The following PCDHA11 variants were observed in gnomAD, a reference collection of about 807,000 sequenced individuals.
PCDHA11 encodes protocadherin alpha-11.
A neutral mutation model predicts 70.3 loss-of-function variants in PCDHA11; 61 were observed. The ratio of observed to expected loss-of-function variants is 0.87; its 90% CI spans 0.71 to 1.07. The LOEUF (loss-of-function observed/expected upper bound fraction) is 1.07. Ranked by LOEUF, PCDHA11 falls within the 50% of genes least tolerant of loss-of-function variation. The pLI is 0.00. For synonymous variants in PCDHA11, 633 were observed against 555.1 expected (o/e 1.14, Z -1.97); for missense variants, 1,324 against 1,237.5 (o/e 1.07, Z -1.05).
rs2086150778 is a variant in PCDHA11, at chr5:140,929,428, G to C, written c.2392-49521G>C. ...AGCCTTTCACAACATTTCATCAATT[G>C]AACTAAACACTCCTTCTTAGCACTT... On this transcript the variant is annotated intron_variant, in intron 1 of 3. Coordinates refer to ENST00000398640, the MANE Select transcript of PCDHA11 (RefSeq NM_018902.5). 4 of 1,491,484 alleles carry C rather than the reference G, an allele frequency of 2.7e-6. No homozygotes were observed. The East Asian group carries it at 6.9e-5, about 26-fold the overall frequency. 92.4% of individuals were successfully genotyped at this position (1,491,484 alleles called of 1,614,324 possible). A position where few individuals can be genotyped will look rare whatever the true frequency, so the allele number is the denominator to read the frequency against.
rs550915753 is a variant in PCDHA11, at chr5:140,870,868, G to A, written c.1765G>A (p.Val589Met). 1.2e-6 allele frequency: 2 copies of A among 1,613,944 alleles called. No individual in the cohort carries two copies. The highest frequency in any genetic ancestry group is 1.7e-6 in the Non-Finnish European group (2 of 1,179,906). Residue 589 changes from valine (V) to methionine (M), a missense_variant, in exon 1 of 4, where the codon GTG becomes ATG. Val to Met is a conservative substitution (Grantham distance 21, BLOSUM62 1). Transcript: ENST00000398640. Reference sequence around the variant, plus strand: ...ACCGCGGTCGGTGGGTGCGGGCCACGTGGTGGCGAAGGTGCGCGCAGTGGA... The same window carrying A: ...ACCGCGGTCGGTGGGTGCGGGCCACATGGTGGCGAAGGTGCGCGCAGTGGA... Reference protein sequence around the residue: ...LVPRSVGAGHVVAKVRAVDAD... With the variant: ...LVPRSVGAGHMVAKVRAVDAD...
intron 1 of PCDHA11, among the ~76,000 whole-genome samples, chr5:140,950,272 CT>C (rs373882606): frequency 7.9e-5 from 12 of 151,950 alleles, no homozygotes; most frequent in African/African-American, 2.9e-4. Flanking sequence ...TCCATAATGT[CT>C]TTTTGCTTCA....
intron 3 of PCDHA11, among the ~76,000 whole-genome samples, chr5:140,992,118 G>C (rs1554252679): frequency 1.3e-5 from 2 of 151,650 alleles, no homozygotes; most frequent in Non-Finnish European, 2.9e-5. Flanking sequence ...ATGTGTCATG[G>C]AAGAACAGTG....
intron 3 of PCDHA11, among the ~76,000 whole-genome samples, chr5:140,985,991 A>G (rs575854221): frequency 2.7e-4 from 41 of 152,022 alleles, no homozygotes; most frequent in African/African-American, 9.2e-4. Context: ...CGCCCACCTC[A>G]GCCTCCCAAA....
chr5:140,935,045 G>T (rs1382389528), intron 1 of PCDHA11, among the ~76,000 whole-genome samples: 1 of 151,952 alleles, frequency 6.6e-6, no homozygotes, highest in Non-Finnish European at 1.5e-5. Flanking sequence ...TTGATTTCTG[G>T]TATTACAAGA....
chr5:140,916,211 G>C (rs1373329073), intron 1 of PCDHA11, among the ~76,000 whole-genome samples: 4 of 152,182 alleles, frequency 2.6e-5, no homozygotes, highest in Non-Finnish European at 5.9e-5. Flanking sequence ...CCCTGGGGAA[G>C]ATCCAAATAT....
rs372235129 is a variant in PCDHA11 at position 140,927,231 on chromosome 5, C to T, written c.2392-51718C>T. On this transcript the variant is annotated intron_variant, in intron 1 of 3. Transcript: ENST00000398640. ...TGGAGCTGCACAAGATTCGGATTCA[C>T]GTCCTGGACACCAATGACAACTCAC... 3.7e-6 allele frequency: 6 copies of T among 1,614,020 alleles called. No individual in the cohort carries two copies. In the African/African-American group the frequency reaches 4.0e-5, roughly 11 times the overall value.
intron 2 of PCDHA11, among the ~76,000 whole-genome samples, chr5:140,981,054 G>T (rs1024298698): frequency 1.3e-5 from 2 of 152,182 alleles, no homozygotes; most frequent in Admixed American, 1.3e-4. Flanking sequence ...GATAATTCTA[G>T]AGTGTAGACA....
chr5:140,966,816 G>A lies in PCDHA11; in HGVS notation c.2392-12133G>A, dbSNP rs1448171487. On this transcript the variant is annotated intron_variant, in intron 1 of 3. Transcript: ENST00000398640. ...GCGGCGACAGAGCATCCACGGCTCC[G>A]GCGGCCCATGCCCTGGCTGCTGCTA... 5.2e-6 allele frequency: 8 copies of A among 1,553,302 alleles called. No homozygotes were observed. The East Asian group carries it at 7.2e-5, about 14-fold the overall frequency.
chr5:140,869,555 G>A lies in PCDHA11; in HGVS notation c.452G>A (p.Arg151His). The change falls in exon 1 of 4, where the codon CGT becomes CAT. Residue 151 changes from arginine to histidine, a missense_variant. Arg to His is a conservative substitution (Grantham distance 29, BLOSUM62 0). Coordinates refer to ENST00000398640, the MANE Select transcript of PCDHA11 (RefSeq NM_018902.5). Reference sequence around the variant, plus strand: ...GCGGAATCTAAGCAATCGGACTCGCGTTTTCCACTAGAGGGAGCTTCTGAT... The same window carrying A: ...GCGGAATCTAAGCAATCGGACTCGCATTTTCCACTAGAGGGAGCTTCTGAT... ...LIAESKQSDS[R>H]FPLEGASDAD... is the part of the protein sequence containing the mutation. The A allele has an allele frequency of 6.2e-7, 1 of 1,614,172 alleles. No individual in the cohort carries two copies. The highest frequency in any genetic ancestry group is 8.5e-7 in the Non-Finnish European group (1 of 1,180,048).
intron 1 of PCDHA11, chr5:140,928,773 T>A: frequency 6.2e-7 from 1 of 1,614,164 alleles, no homozygotes; most frequent in Non-Finnish European, 8.5e-7. Context: ...TTCTTCCCAC[T>A]GATGCAGTTA....
chr5:140,932,021 GT>G (rs1387709791), intron 1 of PCDHA11, among the ~76,000 whole-genome samples: 11 of 151,964 alleles, frequency 7.2e-5, no homozygotes, highest in African/African-American at 2.6e-4. Flanking sequence ...TTTACGGTAA[GT>G]TTACAGTATA....
chr5:140,870,239 G>C lies in PCDHA11; in HGVS notation c.1136G>C (p.Gly379Ala), dbSNP rs781847723. 6 of 1,614,134 alleles carry C rather than the reference G, an allele frequency of 3.7e-6. No homozygotes were observed. Among genetic ancestry groups the C allele is most frequent in the Non-Finnish European group, 4.2e-6 (5 of 1,180,038 alleles). Reference sequence around the variant, plus strand: ...ATCAGCGTGTCTGACCGTGACTCAGGTGTCAACGGACAGGTGACCTGCTCG... The same window carrying C: ...ATCAGCGTGTCTGACCGTGACTCAGCTGTCAACGGACAGGTGACCTGCTCG... Reference protein sequence around the residue: ...ALISVSDRDSGVNGQVTCSLT... With the variant: ...ALISVSDRDSAVNGQVTCSLT... Residue 379 changes from glycine to alanine, a missense_variant, in exon 1 of 4, where the codon GGT (glycine) becomes GCT (alanine). Coordinates refer to ENST00000398640, the MANE Select transcript of PCDHA11 (RefSeq NM_018902.5).
At chr5:140,969,775 G>A (rs879968185) in intron 1 of PCDHA11, among the ~76,000 whole-genome samples, 9 of 152,174 alleles carry the variant, frequency 5.9e-5, no homozygotes, top group Admixed American at 5.9e-4. Flanking sequence ...GCCTCTAGGG[G>A]CTATCATAGT....
intron 1 of PCDHA11, among the ~76,000 whole-genome samples, chr5:140,945,375 C>T (rs1414758644): frequency 1.3e-4 from 20 of 152,006 alleles, no homozygotes; most frequent in African/African-American, 3.9e-4. Context: ...GTCCATATTA[C>T]CCAAAGCAAT....
At chr5:140,969,584 G>C in intron 1 of PCDHA11, 1 of 907,936 alleles carries the variant, frequency 1.1e-6, no homozygotes, top group Non-Finnish European at 1.6e-6. Context: ...GTGAGGATTA[G>C]TCTTAATATT....
At chr5:140,941,698 T>C (rs2093148440) in intron 1 of PCDHA11, among the ~76,000 whole-genome samples, 1 of 152,186 alleles carries the variant, frequency 6.6e-6, no homozygotes, top group African/African-American at 2.4e-5. Flanking sequence ...TCTTTGGGCT[T>C]AGCTTTCCTC....
intron 1 of PCDHA11, among the ~76,000 whole-genome samples, chr5:140,973,706 G>A (rs143845626): frequency 4.6e-5 from 7 of 152,274 alleles, no homozygotes; most frequent in South Asian, 4.1e-4. Context: ...TCTGACCCAG[G>A]AGTGAGCCAT....
chr5:140,886,961 C>T (rs1340952035), intron 1 of PCDHA11, among the ~76,000 whole-genome samples: 1 of 151,926 alleles, frequency 6.6e-6, no homozygotes, highest in South Asian at 2.1e-4. Context: ...CATTTAGCAA[C>T]GAAATTTATT....
Sources: allele counts gnomAD v4.1 joint callset (sites outside exome capture counted in the v4.1 genomes callset), GRCh38; gene constraint gnomAD v4.1.1; transcripts MANE v1.5; gene names NCBI Gene and HGNC (gene_info 2026-07-23, HGNC 2026-07-21).